PPP2R5C: variants seen among roughly 807,000 people sequenced by gnomAD.
PPP2R5C encodes the protein protein phosphatase 2 regulatory subunit B'gamma, also known as serine/threonine-protein phosphatase 2A 56 kDa regulatory subunit gamma isoform.
PPP2R5C carries 7 observed loss-of-function variants against 68.9 expected under a neutral mutation model. The observed-to-expected ratio is 0.10, with a 90% confidence interval of 0.06 to 0.19. The LOEUF (loss-of-function observed/expected upper bound fraction) is 0.19, where lower values mean the gene tolerates loss of function less well. PPP2R5C is among the 10% of genes least tolerant of loss of function. PPP2R5C has a pLI of 1.00. For missense variants in PPP2R5C, 348 were observed against 641.3 expected (o/e 0.54, Z 4.94); for synonymous variants, 210 against 222.2 (o/e 0.95, Z 0.49).
chr14:101,812,052 G>T lies in PPP2R5C; in HGVS notation c.94+2016G>T, dbSNP rs558857136. Among the ~76,000 whole-genome samples, 6 of 152,158 alleles carry T rather than the reference G, an allele frequency of 3.9e-5. No individual in the cohort carries two copies. In the East Asian group the frequency reaches 1.2e-3, roughly 29 times the overall value. Reference sequence around the variant, plus strand: ...ACTAACTTCTGACTCAAACAGTGGGGGTAATTTCTAACTTCAAAATTTGAA... The same window carrying T: ...ACTAACTTCTGACTCAAACAGTGGGTGTAATTTCTAACTTCAAAATTTGAA... On this transcript the variant is annotated intron_variant, in intron 1 of 13. Transcript: ENST00000334743.
intron 3 of PPP2R5C, among the ~76,000 whole-genome samples, chr14:101,795,312 C>A (rs2038556960): frequency 6.6e-6 from 1 of 152,090 alleles, no homozygotes; most frequent in African/African-American, 2.4e-5. Flanking sequence ...AGATGCCTGT[C>A]CATCATACCT....
intron 13 of PPP2R5C, among the ~76,000 whole-genome samples, chr14:101,920,192 G>A (rs1378119249): frequency 1.3e-5 from 2 of 152,178 alleles, no homozygotes; most frequent in African/African-American, 2.4e-5. Context: ...AACCAAAATA[G>A]CATTCTCTCC....
rs765014068 is a variant in PPP2R5C, at chr14:101,875,849, T to A, written c.295-6312T>A. Among the ~76,000 whole-genome samples the A allele has an allele frequency of 1.1e-3, 169 of 152,230 alleles. 3 individuals carry two copies. Among genetic ancestry groups the A allele is most frequent in the Non-Finnish European group, 3.1e-4 (21 of 68,042 alleles). On this transcript the variant is annotated intron_variant, in intron 2 of 13. Transcript: ENST00000334743. Reference sequence around the variant, plus strand: ...TATGATCTCATTCCACATCAAAGGTTCCTCCGTTTTTTCGGGCATTCTTCA... The same window carrying A: ...TATGATCTCATTCCACATCAAAGGTACCTCCGTTTTTTCGGGCATTCTTCA...
chr14:101,885,750 T>C (rs2044464369), intron 5 of PPP2R5C, among the ~76,000 whole-genome samples: 1 of 152,232 alleles, frequency 6.6e-6, no homozygotes, highest in Non-Finnish European at 1.5e-5. Flanking sequence ...CTAAATGTTA[T>C]GTTTCTATTT....
chr14:101,823,223 T>C (rs758273470), intron 1 of PPP2R5C, among the ~76,000 whole-genome samples: 99 of 152,342 alleles, frequency 6.5e-4, no homozygotes, highest in South Asian at 1.4e-3. Flanking sequence ...GCCTTAGCTA[T>C]GGCATCCATA....
chr14:101,772,457 A>G (rs1172766659), intron 2 of PPP2R5C, among the ~76,000 whole-genome samples: 1 of 152,020 alleles, frequency 6.6e-6, no homozygotes, highest in Non-Finnish European at 1.5e-5. Flanking sequence ...TTATTTATTT[A>G]TTTATTTTGG....
At chr14:101,858,306 T>C (rs538319963) in intron 2 of PPP2R5C, among the ~76,000 whole-genome samples, 1 of 152,276 alleles carries the variant, frequency 6.6e-6, no homozygotes, top group South Asian at 2.1e-4. Flanking sequence ...TAATTTTGTT[T>C]TGCGCATCAC....
In PPP2R5C at chr14:101,797,354, C is replaced by A; in HGVS notation, c.259+11171C>A. ...GGTTGCAGAGCACGCCACACACATT[C>A]AGTCAGTACACGAGTTAACAGTTGC... On this transcript the variant is annotated intron_variant, in intron 3 of 14. Transcript: ENST00000328724. The surrounding 1 kb of genome is among the most constrained non-coding windows in gnomAD (Gnocchi z 4.2). 2.2e-6 allele frequency: 1 copy of A among 454,996 alleles called. No individual in the cohort carries two copies. The highest frequency in any genetic ancestry group is 7.0e-5 in the East Asian group (1 of 14,382). The allele number at this position is 454,996 out of a possible 1,614,324, so 28.2% of individuals were successfully genotyped here. A position where few individuals can be genotyped will look rare whatever the true frequency, so the allele number is the denominator to read the frequency against.
intron 13 of PPP2R5C, among the ~76,000 whole-genome samples, chr14:101,923,757 G>A (rs7152695): frequency 0.2 from 29,765 of 152,070 alleles, 4,714 homozygotes; most frequent in African/African-American, 0.43. Context: ...TGTTTTCATC[G>A]GTAAATTTGC....
chr14:101,842,383 C>T (rs950628433), intron 1 of PPP2R5C, among the ~76,000 whole-genome samples: 2 of 152,210 alleles, frequency 1.3e-5, no homozygotes, highest in African/African-American at 4.8e-5. Flanking sequence ...CCCGTGGGCT[C>T]TCAGTGGCTA....
At chr14:101,800,668 G>T (rs938192144) in intron 3 of PPP2R5C, among the ~76,000 whole-genome samples, 2 of 150,172 alleles carry the variant, frequency 1.3e-5, no homozygotes, top group African/African-American at 4.9e-5. Flanking sequence ...AAAAAAAAGG[G>T]AAATTTTAGA....
chr14:101,871,932 C>G (rs1199749625), intron 2 of PPP2R5C, among the ~76,000 whole-genome samples: 3 of 152,136 alleles, frequency 2.0e-5, no homozygotes, highest in Non-Finnish European at 4.4e-5. Context: ...TATTATCATA[C>G]ATAAACCCCT....
chr14:101,819,072 G>A, intron 1 of PPP2R5C: 2 of 1,550,330 alleles, frequency 1.3e-6, no homozygotes, highest in Non-Finnish European at 1.7e-6. Flanking sequence ...TTTTTGGTGG[G>A]CTTCAAGGAA....
chr14:101,763,811 C>A (rs574215425), intron 2 of PPP2R5C, among the ~76,000 whole-genome samples: 3 of 152,234 alleles, frequency 2.0e-5, no homozygotes, highest in Admixed American at 6.5e-5. Context: ...ACCGCCACTT[C>A]CATTGCAAGC....
At chr14:101,837,318 T>C (rs369299174) in intron 1 of PPP2R5C, among the ~76,000 whole-genome samples, 7 of 92,788 alleles carry the variant, frequency 7.5e-5, no homozygotes, top group African/African-American at 3.7e-4. Flanking sequence ...TCATTTTGTA[T>C]TTTTTTTTAG....
intron 2 of PPP2R5C, among the ~76,000 whole-genome samples, chr14:101,775,683 T>G (rs2037380684): frequency 6.6e-6 from 1 of 152,212 alleles, no homozygotes; most frequent in Non-Finnish European, 1.5e-5. Flanking sequence ...TACCTCCCTG[T>G]GGGCCTGGCA....
chr14:101,892,761 A>G (rs2045040144), intron 6 of PPP2R5C, among the ~76,000 whole-genome samples: 1 of 152,092 alleles, frequency 6.6e-6, no homozygotes, highest in Non-Finnish European at 1.5e-5. Flanking sequence ...AGGCTAGAGA[A>G]CAGTGGCTCT....
chr14:101,820,430 A>G (rs1429362966), intron 1 of PPP2R5C: 1 of 152,234 alleles, frequency 6.6e-6, no homozygotes, highest in Non-Finnish European at 1.5e-5. Context: ...CGATGCTACA[A>G]ACAAGCGTGG....
chr14:101,879,729 C>T lies in PPP2R5C; in HGVS notation c.295-2432C>T, dbSNP rs1227472973. Among the ~76,000 whole-genome samples, 1 of 152,180 alleles carries T rather than the reference C, an allele frequency of 6.6e-6. No individual in the cohort carries two copies. The highest frequency in any genetic ancestry group is 1.5e-5 in the Non-Finnish European group (1 of 68,040). On this transcript the variant is annotated intron_variant, in intron 2 of 13. Transcript: ENST00000334743. The surrounding 1 kb of genome is among the most constrained non-coding windows in gnomAD (Gnocchi z 4.2). ...GTCCTGTGGGTGACTGGACCCTCAC[C>T]CCAGTCTCTTGGCTTTGAGAGAGAG...
Sources: gnomAD v4.1 joint callset for allele counts (sites outside exome capture counted in the v4.1 genomes callset) on GRCh38, gnomAD v4.1.1 for gene constraint, Gnocchi (gnomAD v3.1) non-coding constraint, MANE v1.5 for transcripts, NCBI Gene and HGNC (gene_info 2026-07-23, HGNC 2026-07-21) for gene names.